The following TMEM64 variants were observed in gnomAD, a reference collection of about 807,000 sequenced individuals.
The protein encoded by TMEM64 is transmembrane protein 64.
TMEM64 carries 19 observed loss-of-function variants against 24.5 expected under a neutral mutation model. The observed-to-expected ratio is 0.78, with a 90% CI of 0.54 to 1.14. The LOEUF is 1.14. TMEM64 is among the 50% of genes most tolerant of loss of function. The pLI, the probability that TMEM64 is intolerant of heterozygous loss-of-function variation, is 0.00. For missense variants in TMEM64, 487 were observed against 493.0 expected (o/e 0.99, Z 0.12); for synonymous variants, 262 against 224.7 (o/e 1.17, Z -1.49).
intron 1 of TMEM64, among the ~76,000 whole-genome samples, chr8:90,643,243 T>G (rs1809633896): frequency 6.6e-6 from 1 of 152,214 alleles, no homozygotes; most frequent in Non-Finnish European, 1.5e-5. Context: ...ATTAATTTAG[T>G]ACCTTGGTGA....
At chr8:90,639,833 T>C (rs1467079786) in intron 1 of TMEM64, among the ~76,000 whole-genome samples, 1 of 152,192 alleles carries the variant, frequency 6.6e-6, no homozygotes, top group Non-Finnish European at 1.5e-5. Context: ...AAAACAAACA[T>C]TGTTAAAACA....
chr8:90,641,908 T>C (rs1438701085), intron 1 of TMEM64, among the ~76,000 whole-genome samples: 1 of 152,174 alleles, frequency 6.6e-6, no homozygotes, highest in Non-Finnish European at 1.5e-5. Context: ...GCAGCAGGTA[T>C]TATTAAACAC....
Position 90,645,390 on chromosome 8 carries a change from G to T in TMEM64, c.516C>A (p.Phe172Leu). Residue 172 changes from phenylalanine (F) to leucine (L), a missense_variant, in exon 1 of 3, where the codon TTC (phenylalanine) becomes TTA (leucine). Around this residue, in one of 3 missense-constraint regions of TMEM64, gnomAD observed 419 missense variants for 407.5 expected, o/e 1.03. Coordinates refer to ENST00000458549, the MANE Select transcript of TMEM64 (RefSeq NM_001008495.4). The surrounding 1 kb of genome is among the most constrained non-coding windows in gnomAD (Gnocchi z 4.2). ...LFVVGFIVVS[F>L]PCGWGYIVLN... ...GCACGATGTAGCCCCAGCCGCAGGG[G>T]AAAGAGACCACGATGAAGCCCACGA... 1.3e-6 allele frequency: 2 copies of T among 1,551,880 alleles called. No homozygotes were observed. Among genetic ancestry groups the T allele is most frequent in the Non-Finnish European group, 8.7e-7 (1 of 1,147,060 alleles).
At chr8:90,631,417 G>C in intron 2 of TMEM64, 135 bp downstream of exon 2, 1 of 661,918 alleles carries the variant, frequency 1.5e-6, no homozygotes, top group African/African-American at 1.8e-5. Flanking sequence ...ATATGTAGTA[G>C]TAATGAAAGA....
In TMEM64 at chr8:90,623,313, T is replaced by C. The variant is rs1181526085; in HGVS notation, c.*2358A>G. 6.6e-6 allele frequency: 1 copy of C among 152,136 alleles called. No individual in the cohort carries two copies. The highest frequency in any genetic ancestry group is 1.5e-5 in the Non-Finnish European group (1 of 68,004). The allele number at this position is 152,136 out of a possible 1,614,324, so 9.4% of individuals were successfully genotyped here. On this transcript the variant is annotated 3_prime_UTR_variant, in exon 3 of 3. Transcript: ENST00000458549. The stretch of plus-strand genomic sequence containing the variant: ...GGACAACATAAAAGTATCCTGTAGA[T>C]ATGTGTTGCTGCCATAAATCTGGGA...
chr8:90,631,680 G>C lies in TMEM64; in HGVS notation c.823C>G (p.Leu275Val). ...AGCAGTCCAACCGAAGATGCCATCA[G>C]ATAGTTGGGTAATGAGAGATCAGTA... The part of the protein sequence containing the change: ...SITDLSLPNY[L>V]MASSVGLLPT... The change falls in exon 2 of 3, where the codon CTG (leucine) becomes GTG (valine). Residue 275 changes from leucine (L) to valine (V), a missense_variant. Physicochemically the swap from Leu to Val is conservative, Grantham distance 32. Transcript: ENST00000458549. 1 of 1,613,684 alleles carries C rather than the reference G, an allele frequency of 6.2e-7. No individual in the cohort carries two copies. Among genetic ancestry groups the C allele is most frequent in the Non-Finnish European group, 8.5e-7 (1 of 1,179,646 alleles).
At position 90,624,102 on chromosome 8, in the gene TMEM64, A is replaced by G. The variant is rs1049951883; in HGVS notation, c.*1569T>C. 1.3e-5 allele frequency: 2 copies of G among 152,052 alleles called. No homozygotes were observed. Among genetic ancestry groups the G allele is most frequent in the African/African-American group, 2.4e-5 (1 of 41,432 alleles). The allele number at this position is 152,052 out of a possible 1,614,324, so 9.4% of individuals were successfully genotyped here. A position where few individuals can be genotyped will look rare whatever the true frequency, so the allele number is the denominator to read the frequency against. On this transcript the variant is annotated 3_prime_UTR_variant, in exon 3 of 3. Transcript: ENST00000458549. The stretch of plus-strand genomic sequence containing the variant: ...TTGCACTGGTCTTCTAGGTATGGAC[A>G]TATAAATGAACTTTACTGTTACTCA...
intron 1 of TMEM64, among the ~76,000 whole-genome samples, chr8:90,642,464 G>T (rs772748302): frequency 3.9e-5 from 6 of 152,044 alleles, no homozygotes; most frequent in Non-Finnish European, 8.8e-5. Context: ...GAGGGATGTG[G>T]AAAACACAAG....
chr8:90,639,361 AC>A (rs145622946), intron 1 of TMEM64, among the ~76,000 whole-genome samples: 1 of 151,862 alleles, frequency 6.6e-6, no homozygotes, highest in East Asian at 1.9e-4. Flanking sequence ...ATCTGGTGTA[AC>A]CCCCCTTCCA....
At chr8:90,633,403 T>C (rs1375568986) in intron 1 of TMEM64, among the ~76,000 whole-genome samples, 6 of 152,164 alleles carry the variant, frequency 3.9e-5, no homozygotes, top group Non-Finnish European at 8.8e-5. Context: ...TGCAGCATTG[T>C]GAGGGAGCCT....
rs781686112 is a variant in TMEM64, at chr8:90,623,268, T to A, written c.*2403A>T. 5 of 152,172 alleles carry A rather than the reference T, an allele frequency of 3.3e-5. No homozygotes were observed. Among genetic ancestry groups the A allele is most frequent in the Non-Finnish European group, 7.4e-5 (5 of 68,020 alleles). The allele number at this position is 152,172 out of a possible 1,614,324, so 9.4% of individuals were successfully genotyped here. A position where few individuals can be genotyped will look rare whatever the true frequency, so the allele number is the denominator to read the frequency against. On this transcript the variant is annotated 3_prime_UTR_variant, in exon 3 of 3. Coordinates refer to ENST00000458549, the MANE Select transcript of TMEM64 (RefSeq NM_001008495.4). ...TGAGTGGAGACATTTTATAAGTACA[T>A]ATGACTGACAGCAATATTTGGACAA... is the stretch of plus-strand genomic sequence containing the variant.
chr8:90,626,926 C>A (rs1809369256), intron 2 of TMEM64, among the ~76,000 whole-genome samples: 1 of 152,168 alleles, frequency 6.6e-6, no homozygotes, highest in East Asian at 1.9e-4. Context: ...CAGTGCCCGG[C>A]CAACTTTAGC....
At chr8:90,634,537 A>G (rs980167774) in intron 1 of TMEM64, among the ~76,000 whole-genome samples, 1 of 152,198 alleles carries the variant, frequency 6.6e-6, no homozygotes, top group Non-Finnish European at 1.5e-5. Context: ...TACATTTCAT[A>G]TTGGGATTAA....
Position 90,625,645 on chromosome 8 carries a change from CTT to C in TMEM64, c.*24_*25del, listed in dbSNP as rs1220906015. On this transcript the variant is annotated 3_prime_UTR_variant, in exon 3 of 3. Coordinates refer to ENST00000458549, the MANE Select transcript of TMEM64 (RefSeq NM_001008495.4). The stretch of plus-strand genomic sequence containing the variant: ...TAGACCTTAGATAGCACACTAGGCT[CTT>C]GACAATCACGTATCTCATTAGAATC... The C allele has an allele frequency of 6.3e-7, 1 of 1,598,770 alleles. No individual in the cohort carries two copies. Among genetic ancestry groups the C allele is most frequent in the South Asian group, 1.1e-5 (1 of 89,318 alleles).
At chr8:90,640,141 C>T (rs2130508695) in intron 1 of TMEM64, among the ~76,000 whole-genome samples, 1 of 152,294 alleles carries the variant, frequency 6.6e-6, no homozygotes, top group East Asian at 1.9e-4. Context: ...GGGCCAGACT[C>T]CAACTCTTTC....
intron 1 of TMEM64, among the ~76,000 whole-genome samples, chr8:90,632,467 C>T (rs1270923958): frequency 6.6e-5 from 10 of 152,236 alleles, no homozygotes; most frequent in Middle Eastern, 3.4e-3. Flanking sequence ...GGACTACAGG[C>T]GCCCGCCACC....
rs747707548 is a variant in TMEM64, at chr8:90,631,614, G to A, written c.889C>T (p.Arg297Trp). 4.3e-6 allele frequency: 7 copies of A among 1,613,374 alleles called. No individual in the cohort carries two copies. Among genetic ancestry groups the A allele is most frequent in the African/African-American group, 1.3e-5 (1 of 75,054 alleles). The change falls in exon 2 of 3, where the codon CGG becomes TGG. Residue 297 changes from arginine (R) to tryptophan (W), a missense_variant. By Grantham distance (101) the Arg-to-Trp change is moderately radical. This residue lies in a region of TMEM64 where 419 missense variants were observed against 407.5 expected (regional missense o/e 1.03). Transcript: ENST00000458549. Reference protein sequence around the residue: ...LLNSYLGTTLRTMEDVIAEQS... With the variant: ...LLNSYLGTTLWTMEDVIAEQS... ...TCTGCAATGACATCTTCCATTGTCC[G>A]CAGGGTGGTACCCAAGTAAGAATTC...
rs984262714 is a variant in TMEM64, at chr8:90,625,315, A to G, written c.*356T>C. On this transcript the variant is annotated 3_prime_UTR_variant, in exon 3 of 3. Coordinates refer to ENST00000458549, the MANE Select transcript of TMEM64 (RefSeq NM_001008495.4). ...TTTTACTCATCTTTACAAGTAGGAA[A>G]GATGCATACAAACTACTCATGGGCT... 1.8e-5 allele frequency: 3 copies of G among 165,410 alleles called. No homozygotes were observed. The highest frequency in any genetic ancestry group is 7.1e-5 in the African/African-American group (3 of 41,986). 10.2% of individuals were successfully genotyped at this position (165,410 alleles called of 1,614,324 possible).
intron 2 of TMEM64, among the ~76,000 whole-genome samples, chr8:90,629,190 C>T (rs145889766): frequency 4.1e-4 from 62 of 152,228 alleles, no homozygotes; most frequent in Middle Eastern, 6.8e-3. Flanking sequence ...ATCAAACAAG[C>T]GTAAACATGT....
Sources: allele counts gnomAD v4.1 joint callset (sites outside exome capture counted in the v4.1 genomes callset), GRCh38; gene constraint gnomAD v4.1.1; regional missense constraint gnomAD v4.1.1; non-coding constraint Gnocchi (gnomAD v3.1); transcripts MANE v1.5; gene names NCBI Gene and HGNC (gene_info 2026-07-23, HGNC 2026-07-21).